Variants in ARL15 observed in about 807,000 individuals in gnomAD.
ARL15 encodes ADP-ribosylation factor-like protein 15.
A neutral mutation model predicts 25.2 loss-of-function variants in ARL15; 19 were observed. The observed-to-expected ratio is 0.75, with a 90% CI of 0.53 to 1.10. The LOEUF (loss-of-function observed/expected upper bound fraction) is 1.10. Among genes scored for constraint, ARL15 ranks in the 50% least tolerant of loss-of-function variants. The probability of loss-of-function intolerance (pLI) is 0.00; values close to 1 mark genes in which losing one functional copy is unlikely to be tolerated. For missense variants in ARL15, 220 were observed against 246.0 expected (o/e 0.89, Z 0.71); for synonymous variants, 94 against 86.8 (o/e 1.08, Z -0.46).
At chr5:53,979,390 T>A (rs1439920277) in intron 4 of ARL15, among the ~76,000 whole-genome samples, 1 of 151,536 alleles carries the variant, frequency 6.6e-6, no homozygotes, top group Non-Finnish European at 1.5e-5. Context: ...AACAAAAAAA[T>A]TAGCTGGGTA....
At chr5:53,904,891 C>T (rs1201404914) in intron 4 of ARL15, among the ~76,000 whole-genome samples, 4 of 151,950 alleles carry the variant, frequency 2.6e-5, no homozygotes, top group Admixed American at 1.3e-4. Flanking sequence ...CCATGCCCAC[C>T]TAATTTTTGT....
intron 1 of ARL15, 48 bp downstream of exon 1, chr5:54,310,384 G>T: frequency 6.3e-7 from 1 of 1,583,506 alleles, no homozygotes; most frequent in Non-Finnish European, 8.6e-7. Context: ...GGGCCATCGG[G>T]CACGCCGAGA....
chr5:54,247,952 G>A (rs903374154), intron 1 of ARL15, among the ~76,000 whole-genome samples: 6 of 152,048 alleles, frequency 3.9e-5, no homozygotes, highest in Non-Finnish European at 7.4e-5. Flanking sequence ...AGATGATGGA[G>A]CTTTTTTACA....
chr5:54,124,470 A>G (rs1753184126), intron 3 of ARL15, among the ~76,000 whole-genome samples: 1 of 152,200 alleles, frequency 6.6e-6, no homozygotes, highest in Non-Finnish European at 1.5e-5. Context: ...AGCAAAGAAA[A>G]AAACACATTA....
intron 1 of ARL15, among the ~76,000 whole-genome samples, chr5:54,191,969 C>G (rs1480024576): frequency 6.6e-6 from 1 of 152,070 alleles, no homozygotes; most frequent in Non-Finnish European, 1.5e-5. Context: ...TTCCTCCTTC[C>G]TCCCCCACTC....
chr5:53,926,407 G>A (rs566114304), intron 4 of ARL15, among the ~76,000 whole-genome samples: 65 of 108,802 alleles, frequency 6.0e-4, no homozygotes, highest in African/African-American at 3.2e-3. Context: ...CAGCCACGGC[G>A]GGAAAAAAGT....
intron 2 of ARL15, among the ~76,000 whole-genome samples, chr5:54,160,306 A>G (rs1432246469): frequency 1.3e-5 from 2 of 152,252 alleles, no homozygotes; most frequent in African/African-American, 4.8e-5. Context: ...TGAAGCTAAT[A>G]CTGAAGTTAT....
chr5:54,017,986 G>T (rs1749478440), intron 4 of ARL15, among the ~76,000 whole-genome samples: 2 of 151,304 alleles, frequency 1.3e-5, no homozygotes, highest in African/African-American at 4.8e-5. Flanking sequence ...TAAGAAAAAG[G>T]GGTAAACATT....
chr5:54,233,738 T>C (rs1261585271), intron 1 of ARL15, among the ~76,000 whole-genome samples: 1 of 152,220 alleles, frequency 6.6e-6, no homozygotes, highest in Non-Finnish European at 1.5e-5. Context: ...AGAAGACTAC[T>C]CACAATTATC....
At chr5:54,267,152 C>A (rs180834266) in intron 1 of ARL15, among the ~76,000 whole-genome samples, 77 of 152,228 alleles carry the variant, frequency 5.1e-4, no homozygotes, top group African/African-American at 1.6e-3. Flanking sequence ...AGGGCAGTGG[C>A]GGGATCTCAG....
At chr5:53,938,196 G>A (rs1287604098) in intron 4 of ARL15, among the ~76,000 whole-genome samples, 1 of 151,838 alleles carries the variant, frequency 6.6e-6, no homozygotes, top group Non-Finnish European at 1.5e-5. Context: ...TTTTGTTGGG[G>A]AGGGTGGTTA....
At chr5:53,979,826 CTT>C (rs1308205638) in intron 4 of ARL15, among the ~76,000 whole-genome samples, 8 of 139,084 alleles carry the variant, frequency 5.8e-5, no homozygotes, top group Non-Finnish European at 1.2e-4. Flanking sequence ...TCTTTAAAGT[CTT>C]TTGTGTGTGT....
intron 1 of ARL15, among the ~76,000 whole-genome samples, chr5:54,253,922 T>G (rs1757302585): frequency 1.3e-5 from 2 of 152,192 alleles, no homozygotes; most frequent in African/African-American, 4.8e-5. Context: ...TACATAAGGT[T>G]AAGAAACCAG....
chr5:54,143,576 T>C (rs1005327733), intron 3 of ARL15, among the ~76,000 whole-genome samples: 8 of 152,106 alleles, frequency 5.3e-5, no homozygotes, highest in African/African-American at 1.9e-4. Context: ...ATTGTGGTTA[T>C]TGATACAGAT....
At chr5:54,059,137 C>T (rs1474966788) in intron 4 of ARL15, among the ~76,000 whole-genome samples, 1 of 152,150 alleles carries the variant, frequency 6.6e-6, no homozygotes, top group Non-Finnish European at 1.5e-5. Flanking sequence ...TCTGTACCCG[C>T]AAATTGCTTT....
chr5:53,905,763 G>A (rs1386490277), intron 4 of ARL15, among the ~76,000 whole-genome samples: 2 of 152,138 alleles, frequency 1.3e-5, no homozygotes, highest in African/African-American at 2.4e-5. Flanking sequence ...TAATTCCAAT[G>A]CCTGACAAAT....
chr5:54,060,525 G>A (rs1195470033), intron 4 of ARL15, among the ~76,000 whole-genome samples: 1 of 152,190 alleles, frequency 6.6e-6, no homozygotes, highest in Non-Finnish European at 1.5e-5. Flanking sequence ...TGCCATCCAC[G>A]TAAGATGTGA....
intron 1 of ARL15, among the ~76,000 whole-genome samples, chr5:54,298,394 C>A (rs184121727): frequency 1.8e-4 from 28 of 152,320 alleles, no homozygotes; most frequent in African/African-American, 6.7e-4. Flanking sequence ...TGGTCATCCT[C>A]GGCCCTCCGT....
chr5:53,886,430 T>G lies in ARL15; in HGVS notation c.*131A>C. On this transcript the variant is annotated 3_prime_UTR_variant, in exon 5 of 5. Transcript: ENST00000504924. ...CAGAATATTCACTTTAATAGAGAGA[T>G]GAGAGTCTGAAATGACCAGAGGAAA... 1 of 937,960 alleles carries G rather than the reference T, an allele frequency of 1.1e-6. No homozygotes were observed. Among genetic ancestry groups the G allele is most frequent in the Non-Finnish European group, 1.5e-6 (1 of 645,872 alleles). 58.1% of individuals were successfully genotyped at this position (937,960 alleles called of 1,614,324 possible).
Sources: gnomAD v4.1 joint callset for allele counts (sites outside exome capture counted in the v4.1 genomes callset) on GRCh38, gnomAD v4.1.1 for gene constraint, MANE v1.5 for transcripts, NCBI Gene and HGNC (gene_info 2026-07-23, HGNC 2026-07-21) for gene names.